The following RAB7A variants were observed in gnomAD, a reference collection of about 807,000 sequenced individuals.
RAB7A encodes the protein ras-related protein Rab-7a.
RAB7A carries 2 observed loss-of-function variants against 24.5 expected under a neutral mutation model. That is an observed-to-expected ratio of 0.08 (90% confidence interval 0.03 to 0.26). The LOEUF (loss-of-function observed/expected upper bound fraction) is 0.26, where lower values mean the gene tolerates loss of function less well. Ranked by LOEUF, RAB7A falls within the 10% of genes least tolerant of loss-of-function variation. The pLI, the probability that RAB7A is intolerant of heterozygous loss-of-function variation, is 1.00. For synonymous variants in RAB7A, 100 were observed against 95.9 expected (o/e 1.04, Z -0.25); for missense variants, 118 against 255.7 (o/e 0.46, Z 3.67).
chr3:128,768,289 C>T (rs141307909), intron 1 of RAB7A, among the ~76,000 whole-genome samples: 280 of 152,098 alleles, frequency 1.8e-3, no homozygotes, highest in Middle Eastern at 3.4e-3. Context: ...AGTGGTATTT[C>T]ATTGTATAGC....
chr3:128,729,463 G>A (rs529979308), intron 1 of RAB7A, among the ~76,000 whole-genome samples: 2 of 151,970 alleles, frequency 1.3e-5, no homozygotes, highest in South Asian at 2.1e-4. Flanking sequence ...CCAGCTACTC[G>A]TGAGGCTGAG....
chr3:128,754,278 G>A (rs1199235269), intron 1 of RAB7A, among the ~76,000 whole-genome samples: 1 of 152,140 alleles, frequency 6.6e-6, no homozygotes, highest in Admixed American at 6.6e-5. Flanking sequence ...ATGGCTGAAA[G>A]GTGATGGGGT....
intron 1 of RAB7A, among the ~76,000 whole-genome samples, chr3:128,732,516 T>A (rs539107782): frequency 6.6e-6 from 1 of 152,294 alleles, no homozygotes. Flanking sequence ...TTTCATACCT[T>A]CCTTTAATGA....
intron 1 of RAB7A, among the ~76,000 whole-genome samples, chr3:128,764,224 G>A (rs1317356075): frequency 6.6e-6 from 1 of 151,964 alleles, no homozygotes; most frequent in Non-Finnish European, 1.5e-5. Context: ...GTGATGAGTA[G>A]TGCAGTGACA....
At chr3:128,739,397 C>T (rs370547839) in intron 1 of RAB7A, among the ~76,000 whole-genome samples, 2 of 151,848 alleles carry the variant, frequency 1.3e-5, no homozygotes, top group African/African-American at 4.8e-5. Context: ...CCTGTAATCC[C>T]AGCTACTCAG....
At chr3:128,746,850 C>CTG (rs775584973) in intron 1 of RAB7A, among the ~76,000 whole-genome samples, 40 of 151,356 alleles carry the variant, frequency 2.6e-4, no homozygotes, top group Non-Finnish European at 5.3e-4. Flanking sequence ...TTTTAAGATT[C>CTG]AACACATTGG....
intron 1 of RAB7A, among the ~76,000 whole-genome samples, chr3:128,758,279 T>TG (rs1470860947): frequency 6.7e-6 from 1 of 150,324 alleles, no homozygotes; most frequent in Non-Finnish European, 1.5e-5. Flanking sequence ...TTTTTGTTTT[T>TG]TTTTTTTTTT....
intron 3 of RAB7A, among the ~76,000 whole-genome samples, chr3:128,799,490 T>A (rs1339352342): frequency 6.6e-6 from 1 of 152,170 alleles, no homozygotes; most frequent in Non-Finnish European, 1.5e-5. Context: ...AGTGGGGGCT[T>A]GCTGAAATGT....
At chr3:128,779,480 C>A (rs1285214363) in intron 1 of RAB7A, among the ~76,000 whole-genome samples, 1 of 151,692 alleles carries the variant, frequency 6.6e-6, no homozygotes, top group East Asian at 1.9e-4. Flanking sequence ...GCTGGCCTCA[C>A]CATTTCTAAA....
intron 1 of RAB7A, among the ~76,000 whole-genome samples, chr3:128,794,538 C>T (rs1379901303): frequency 6.6e-6 from 1 of 152,192 alleles, no homozygotes; most frequent in Non-Finnish European, 1.5e-5. Context: ...AGGAAACTAA[C>T]AAGTAGTTCT....
chr3:128,747,311 G>T (rs2070627987), intron 1 of RAB7A, among the ~76,000 whole-genome samples: 1 of 151,182 alleles, frequency 6.6e-6, no homozygotes, highest in Non-Finnish European at 1.5e-5. Context: ...AATCGGCCGG[G>T]CGCAGTGGCT....
intron 1 of RAB7A, among the ~76,000 whole-genome samples, chr3:128,792,817 T>TTTA (rs1933485572): frequency 3.6e-5 from 5 of 137,506 alleles, no homozygotes; most frequent in South Asian, 4.8e-4. Context: ...CCGAGCTAAT[T>TTTA]TTTATTTATT....
At chr3:128,730,611 AT>A (rs2070426528) in intron 1 of RAB7A, among the ~76,000 whole-genome samples, 2 of 152,196 alleles carry the variant, frequency 1.3e-5, no homozygotes, top group Non-Finnish European at 2.9e-5. Flanking sequence ...GGCGAGTGAA[AT>A]CAAAACAAGT....
Position 128,738,528 on chromosome 3 carries a change from C to T in RAB7A, c.-9+12169C>T, listed in dbSNP as rs186300877. Reference sequence around the variant, plus strand: ...CCCCTTCATCTCTGTTTTCTAGCTCCAGTACTCTGTTGGCATCCTGCCTGA... The same window carrying T: ...CCCCTTCATCTCTGTTTTCTAGCTCTAGTACTCTGTTGGCATCCTGCCTGA... On this transcript the variant is annotated intron_variant, in intron 1 of 5. Transcript: ENST00000265062. 1.1e-3 allele frequency among the ~76,000 whole-genome samples: 173 copies of T among 152,278 alleles called. 1 individual carries two copies. The highest frequency in any genetic ancestry group is 4.0e-3 in the African/African-American group (165 of 41,562).
At chr3:128,746,462 G>T (rs140524468) in intron 1 of RAB7A, among the ~76,000 whole-genome samples, 1,897 of 151,692 alleles carry the variant, frequency 0.013, 20 homozygotes, top group Non-Finnish European at 0.02. Context: ...TAGAGATGCG[G>T]TCTCACTGTA....
At chr3:128,791,145 T>C (rs1933444543) in intron 1 of RAB7A, among the ~76,000 whole-genome samples, 1 of 152,040 alleles carries the variant, frequency 6.6e-6, no homozygotes, top group Admixed American at 6.6e-5. Context: ...TCATGTTTTG[T>C]TTGTTTTTTT....
intron 1 of RAB7A, among the ~76,000 whole-genome samples, chr3:128,727,677 C>T (rs962820236): frequency 6.6e-6 from 1 of 152,214 alleles, no homozygotes; most frequent in African/African-American, 2.4e-5. Flanking sequence ...GATGGCTGTC[C>T]AGCCGGCTGG....
intron 1 of RAB7A, among the ~76,000 whole-genome samples, chr3:128,779,508 A>G (rs1313780811): frequency 2.6e-5 from 4 of 151,144 alleles, no homozygotes; most frequent in Admixed American, 2.6e-4. Context: ...AATTGTAACC[A>G]TAAGAGGTCC....
chr3:128,756,361 CAA>C (rs796338526), intron 1 of RAB7A, among the ~76,000 whole-genome samples: 2 of 117,774 alleles, frequency 1.7e-5, no homozygotes, highest in Non-Finnish European at 1.8e-5. Context: ...GACTTTGTCT[CAA>C]AAAAAAAAAA....
Sources: allele counts gnomAD v4.1 joint callset (sites outside exome capture counted in the v4.1 genomes callset), GRCh38; gene constraint gnomAD v4.1.1; transcripts MANE v1.5; gene names NCBI Gene and HGNC (gene_info 2026-07-23, HGNC 2026-07-21).